Variants in GLG1 observed in about 807,000 individuals in gnomAD.
GLG1 encodes golgi glycoprotein 1, also known as Golgi apparatus protein 1.
In GLG1, 38 loss-of-function variants were observed where a neutral mutation model predicts 160.5. That is an observed-to-expected ratio of 0.24 (90% CI 0.18 to 0.31). The LOEUF is 0.31. Ranked by LOEUF, GLG1 falls within the 10% of genes least tolerant of loss-of-function variation. GLG1 has a pLI of 1.00. For synonymous variants in GLG1, 644 were observed against 543.4 expected (o/e 1.19, Z -2.57); for missense variants, 1,373 against 1,505.2 (o/e 0.91, Z 1.45).
In GLG1 at chr16:74,585,491, G is replaced by A. The variant is rs183448914; in HGVS notation, c.438+21166C>T. Among the ~76,000 whole-genome samples the A allele has an allele frequency of 2.6e-5, 4 of 152,196 alleles. No individual in the cohort carries two copies. The East Asian group carries it at 7.7e-4, about 29-fold the overall frequency. Reference sequence around the variant, plus strand: ...GGAAGCTGAGATGGGCGGATCATGAGGTCATGAGATTGAGACCATCCTGGC... The same window carrying A: ...GGAAGCTGAGATGGGCGGATCATGAAGTCATGAGATTGAGACCATCCTGGC... On this transcript the variant is annotated intron_variant, in intron 1 of 25. Coordinates refer to ENST00000422840, the MANE Select transcript of GLG1 (RefSeq NM_001145667.2).
At chr16:74,589,852 G>C (rs1315707299) in intron 1 of GLG1, among the ~76,000 whole-genome samples, 1 of 152,054 alleles carries the variant, frequency 6.6e-6, no homozygotes, top group African/African-American at 2.4e-5. Context: ...CAGGAGAATT[G>C]CTTGAACACG....
intron 1 of GLG1, among the ~76,000 whole-genome samples, chr16:74,566,442 T>C (rs1043537020): frequency 6.6e-6 from 1 of 152,186 alleles, no homozygotes; most frequent in Non-Finnish European, 1.5e-5. Flanking sequence ...CCAGTGAAAC[T>C]TTTGGTTTAT....
intron 15 of GLG1, among the ~76,000 whole-genome samples, 181 bp downstream of exon 15, chr16:74,470,992 A>T (rs2015189249): frequency 6.7e-6 from 1 of 150,278 alleles, no homozygotes; most frequent in African/African-American, 2.5e-5. Flanking sequence ...CCTGGCCTCA[A>T]GTGATCCACC....
chr16:74,588,082 G>A (rs1179526207), intron 1 of GLG1, among the ~76,000 whole-genome samples: 2 of 151,350 alleles, frequency 1.3e-5, no homozygotes, highest in African/African-American at 4.9e-5. Context: ...ATGAAACACA[G>A]AGAGAAAAAA....
At chr16:74,546,978 T>C (rs1456516301) in intron 1 of GLG1, among the ~76,000 whole-genome samples, 1 of 151,342 alleles carries the variant, frequency 6.6e-6, no homozygotes, top group Non-Finnish European at 1.5e-5. Context: ...ATCACAACAC[T>C]AGACCTAGCA....
chr16:74,528,075 T>G (rs1236973815), intron 2 of GLG1, among the ~76,000 whole-genome samples: 1 of 151,828 alleles, frequency 6.6e-6, no homozygotes, highest in African/African-American at 2.4e-5. Flanking sequence ...TTAGTAGAGA[T>G]GGGGTTTCAC....
chr16:74,548,055 G>A lies in GLG1; in HGVS notation c.439-15902C>T, dbSNP rs558188884. Among the ~76,000 whole-genome samples, 271 of 152,260 alleles carry A rather than the reference G, an allele frequency of 1.8e-3. 1 individual carries two copies. The highest frequency in any genetic ancestry group is 6.4e-3 in the African/African-American group (265 of 41,556). ...AACGATTCTCCTGCCTCAGCCTCCC[G>A]AGTAGCTGGGATAATAGGCGTGCGC... On this transcript the variant is annotated intron_variant, in intron 1 of 25. Coordinates refer to ENST00000422840, the MANE Select transcript of GLG1 (RefSeq NM_001145667.2).
intron 2 of GLG1, among the ~76,000 whole-genome samples, chr16:74,518,200 T>C (rs890445277): frequency 6.6e-6 from 1 of 152,136 alleles, no homozygotes; most frequent in African/African-American, 2.4e-5. Flanking sequence ...TAAAAACGAC[T>C]TTAAACTTCA....
At chr16:74,483,250 T>A in intron 9 of GLG1, 126 bp from the exon 10 acceptor site, 1 of 634,870 alleles carries the variant, frequency 1.6e-6, no homozygotes, top group Non-Finnish European at 2.8e-6. Context: ...GATTTATTTT[T>A]CTAAGAATCA....
At chr16:74,470,787 T>C (rs1567463698) in intron 15 of GLG1, among the ~76,000 whole-genome samples, 2 of 144,586 alleles carry the variant, frequency 1.4e-5, no homozygotes, top group African/African-American at 2.6e-5. Context: ...TGAGATGGAA[T>C]CTTGCTCTGT....
At chr16:74,510,795 A>G (rs905531234) in intron 2 of GLG1, among the ~76,000 whole-genome samples, 4 of 152,210 alleles carry the variant, frequency 2.6e-5, no homozygotes, top group African/African-American at 9.6e-5. Context: ...TGGCAGCTAC[A>G]GTCAATGGCA....
At chr16:74,456,441 C>T (rs1401733015) in intron 25 of GLG1, 13 of 515,794 alleles carry the variant, frequency 2.5e-5, no homozygotes, top group Middle Eastern at 5.1e-4. Context: ...ATTACAGGCG[C>T]GAGCCACCGC....
At chr16:74,596,122 C>G (rs529086068) in intron 1 of GLG1, among the ~76,000 whole-genome samples, 1 of 152,198 alleles carries the variant, frequency 6.6e-6, no homozygotes, top group South Asian at 2.1e-4. Context: ...TTTGGCAGAA[C>G]TTAATTCCTT....
Position 74,483,133 on chromosome 16 carries a change from T to A in GLG1, c.1572-9A>T, listed in dbSNP as rs112680892. On this transcript the variant is annotated splice_polypyrimidine_tract_variant and intron_variant, in intron 9 of 25. Coordinates refer to ENST00000422840, the MANE Select transcript of GLG1 (RefSeq NM_001145667.2). ...TCAGGCACGACAAGATCCTAGCCAT[T>A]AAATGTGTAAAATTGTAACAAGAGA... The A allele has an allele frequency of 1.4e-5, 20 of 1,479,584 alleles. No homozygotes were observed. The African/African-American group carries it at 1.7e-4, about 12-fold the overall frequency. The allele number at this position is 1,479,584 out of a possible 1,614,324, so 91.7% of individuals were successfully genotyped here.
rs555803512 is a variant in GLG1 at position 74,541,580 on chromosome 16, C to T, written c.439-9427G>A. Among the ~76,000 whole-genome samples the T allele has an allele frequency of 1.7e-4, 26 of 152,216 alleles. No individual in the cohort carries two copies. In the East Asian group the frequency reaches 4.8e-3, roughly 28 times the overall value. ...ATCCTGCTTTACCTACCTCATGGGG[C>T]TATTATAAGCATCAGGAGAAAAGTT... On this transcript the variant is annotated intron_variant, in intron 1 of 25. Coordinates refer to ENST00000422840, the MANE Select transcript of GLG1 (RefSeq NM_001145667.2).
chr16:74,481,458 T>C (rs992953051), intron 10 of GLG1, among the ~76,000 whole-genome samples: 8 of 152,248 alleles, frequency 5.3e-5, no homozygotes, highest in Non-Finnish European at 1.0e-4. Context: ...TGAGTAACTA[T>C]GCAGCACTTT....
chr16:74,588,718 C>T (rs1226587066), intron 1 of GLG1, among the ~76,000 whole-genome samples: 1 of 152,078 alleles, frequency 6.6e-6, no homozygotes, highest in African/African-American at 2.4e-5. Context: ...CACACTTGGC[C>T]TGTTCTTAAC....
chr16:74,604,967 A>G (rs1597392374), intron 1 of GLG1, among the ~76,000 whole-genome samples: 2 of 152,286 alleles, frequency 1.3e-5, no homozygotes, highest in East Asian at 3.9e-4. Context: ...AATTGCTTAA[A>G]GCCGGGAGGT....
chr16:74,565,312 G>C (rs746844833), intron 1 of GLG1, among the ~76,000 whole-genome samples: 1 of 152,140 alleles, frequency 6.6e-6, no homozygotes, highest in Non-Finnish European at 1.5e-5. Flanking sequence ...CTAGGCAACA[G>C]AGCCACTCCA....
Sources: gnomAD v4.1 joint callset for allele counts (sites outside exome capture counted in the v4.1 genomes callset) on GRCh38, gnomAD v4.1.1 for gene constraint, MANE v1.5 for transcripts, NCBI Gene and HGNC (gene_info 2026-07-23, HGNC 2026-07-21) for gene names.